Variants in MTUS2 observed in about 807,000 individuals in gnomAD.
MTUS2 encodes microtubule-associated tumor suppressor candidate 2.
MTUS2 carries 40 observed loss-of-function variants against 114.1 expected under a neutral mutation model. The ratio of observed to expected loss-of-function variants is 0.35; its 90% CI spans 0.27 to 0.46. MTUS2 has a LOEUF of 0.46. Among genes scored for constraint, MTUS2 ranks in the 20% least tolerant of loss-of-function variants. MTUS2 has a pLI of 1.00. For synonymous variants in MTUS2, 688 were observed against 672.0 expected (o/e 1.02, Z -0.37); for missense variants, 1,679 against 1,705.4 (o/e 0.98, Z 0.27).
intron 2 of MTUS2, among the ~76,000 whole-genome samples, chr13:28,912,261 A>G (rs1880484682): frequency 6.6e-6 from 1 of 152,198 alleles, no homozygotes; most frequent in South Asian, 2.1e-4. Flanking sequence ...CATTTATTAA[A>G]TAGGGAACCC....
chr13:29,280,055 C>T (rs1898209462), intron 5 of MTUS2, among the ~76,000 whole-genome samples: 1 of 152,178 alleles, frequency 6.6e-6, no homozygotes, highest in African/African-American at 2.4e-5. Context: ...GTGGTTGAGC[C>T]ATGCCCCATG....
chr13:29,095,252 G>A (rs1890128907), intron 4 of MTUS2, among the ~76,000 whole-genome samples: 1 of 152,064 alleles, frequency 6.6e-6, no homozygotes, highest in African/African-American at 2.4e-5. Context: ...AGGTATTGAA[G>A]TCTCGAACTA....
chr13:29,246,190 G>A (rs1896918858), intron 5 of MTUS2, among the ~76,000 whole-genome samples: 1 of 152,200 alleles, frequency 6.6e-6, no homozygotes, highest in South Asian at 2.1e-4. Context: ...GGGAATGACT[G>A]GGGTTTTGGA....
intron 8 of MTUS2, among the ~76,000 whole-genome samples, chr13:29,387,638 G>T (rs572038300): frequency 2.0e-5 from 3 of 152,172 alleles, no homozygotes; most frequent in Non-Finnish European, 1.5e-5. Context: ...AGATGATGGC[G>T]TCCTGGACAA....
chr13:29,271,506 T>A (rs1897880025), intron 5 of MTUS2, among the ~76,000 whole-genome samples: 1 of 152,098 alleles, frequency 6.6e-6, no homozygotes, highest in African/African-American at 2.4e-5. Context: ...CCACCTGGAG[T>A]GTCTCTGTTA....
chr13:28,995,395 T>C (rs970806902), intron 2 of MTUS2, among the ~76,000 whole-genome samples: 2 of 152,196 alleles, frequency 1.3e-5, no homozygotes, highest in African/African-American at 4.8e-5. Flanking sequence ...TCTTTTTTGG[T>C]TCCATATGAA....
chr13:29,261,835 C>G (rs1416752834), intron 5 of MTUS2, among the ~76,000 whole-genome samples: 1 of 152,178 alleles, frequency 6.6e-6, no homozygotes, highest in Non-Finnish European at 1.5e-5. Context: ...TGGATGATGG[C>G]TCAAGCTTTT....
At chr13:28,966,941 G>A (rs573619502) in intron 2 of MTUS2, among the ~76,000 whole-genome samples, 15 of 152,268 alleles carry the variant, frequency 9.9e-5, no homozygotes, top group African/African-American at 3.6e-4. Flanking sequence ...ATTGAGAATA[G>A]TAGCAAATTT....
chr13:29,165,068 C>T (rs1893258340), intron 5 of MTUS2, among the ~76,000 whole-genome samples: 2 of 152,210 alleles, frequency 1.3e-5, no homozygotes, highest in Admixed American at 1.3e-4. Context: ...CTGCACTACA[C>T]AGCAGGAGCT....
In MTUS2 at chr13:28,839,870, T is replaced by C. The variant is rs1699117478; in HGVS notation, c.-243+20T>C. ...AATAGGGTGAGTTCATGTGGATTTC[T>C]ACCTGATTTATTATTCCATTCTATT... On this transcript the variant is annotated intron_variant, in intron 2 of 15. Transcript: ENST00000612955. The C allele has an allele frequency of 6.6e-6, 1 of 152,140 alleles. No homozygotes were observed. Among genetic ancestry groups the C allele is most frequent in the Non-Finnish European group, 1.5e-5 (1 of 68,026 alleles). The allele number at this position is 152,140 out of a possible 1,614,324, so 9.4% of individuals were successfully genotyped here. A position where few individuals can be genotyped will look rare whatever the true frequency, so the allele number is the denominator to read the frequency against.
intron 4 of MTUS2, among the ~76,000 whole-genome samples, chr13:29,045,858 A>G (rs1275060326): frequency 6.6e-6 from 1 of 152,096 alleles, no homozygotes; most frequent in Non-Finnish European, 1.5e-5. Flanking sequence ...TGGGCTGTAA[A>G]TTGAATCATG....
At chr13:28,986,805 A>G (rs1884608053) in intron 2 of MTUS2, among the ~76,000 whole-genome samples, 1 of 152,130 alleles carries the variant, frequency 6.6e-6, no homozygotes, top group Non-Finnish European at 1.5e-5. Context: ...CCATGTAACT[A>G]TTTACATTAC....
intron 5 of MTUS2, among the ~76,000 whole-genome samples, chr13:29,174,317 G>T (rs1893681975): frequency 6.6e-6 from 1 of 152,092 alleles, no homozygotes; most frequent in Non-Finnish European, 1.5e-5. Flanking sequence ...AAGAAGGAGG[G>T]TCCCCTGGCA....
chr13:29,332,201 C>A (rs191518441), intron 7 of MTUS2, among the ~76,000 whole-genome samples: 3 of 151,954 alleles, frequency 2.0e-5, no homozygotes, highest in Non-Finnish European at 4.4e-5. Flanking sequence ...GGCCGTTTTT[C>A]GTTGGTAGGC....
At chr13:29,046,085 A>G (rs1355464549) in intron 4 of MTUS2, among the ~76,000 whole-genome samples, 1 of 151,218 alleles carries the variant, frequency 6.6e-6, no homozygotes, top group Non-Finnish European at 1.5e-5. Context: ...ATTCTACTAC[A>G]AAGGCCACTA....
At chr13:28,926,592 A>G (rs1381929816) in intron 2 of MTUS2, among the ~76,000 whole-genome samples, 1 of 152,230 alleles carries the variant, frequency 6.6e-6, no homozygotes, top group Non-Finnish European at 1.5e-5. Context: ...TGCAGGAGAA[A>G]GAGGCCAGCC....
At chr13:28,992,399 A>C (rs955780373) in intron 2 of MTUS2, among the ~76,000 whole-genome samples, 2 of 152,178 alleles carry the variant, frequency 1.3e-5, no homozygotes, top group African/African-American at 4.8e-5. Flanking sequence ...CGGAGGGAGG[A>C]GGAGGTGAAG....
chr13:29,392,258 C>T (rs1873561914), intron 8 of MTUS2, among the ~76,000 whole-genome samples: 2 of 152,024 alleles, frequency 1.3e-5, no homozygotes, highest in Non-Finnish European at 2.9e-5. Context: ...CACCACCATT[C>T]TATTTTCTGT....
intron 2 of MTUS2, among the ~76,000 whole-genome samples, chr13:28,939,810 C>T (rs1232743222): frequency 9.2e-5 from 14 of 152,148 alleles, no homozygotes; most frequent in African/African-American, 3.4e-4. Context: ...ATACCCAACG[C>T]TGGGTAATAT....
Sources: gnomAD v4.1 joint callset for allele counts (sites outside exome capture counted in the v4.1 genomes callset) on GRCh38, gnomAD v4.1.1 for gene constraint, MANE v1.5 for transcripts, NCBI Gene and HGNC (gene_info 2026-07-23, HGNC 2026-07-21) for gene names.